The following ZFHX3 variants were observed in gnomAD, a reference collection of about 807,000 sequenced individuals.
ZFHX3 encodes zinc finger homeobox protein 3.
Under a neutral mutation model 279.1 loss-of-function variants are expected in ZFHX3, and 42 were observed. The observed-to-expected ratio is 0.15, with a 90% CI of 0.12 to 0.19. The LOEUF (loss-of-function observed/expected upper bound fraction) is 0.19, where lower values mean the gene tolerates loss of function less well. ZFHX3 is among the 10% of genes least tolerant of loss of function. The pLI, the probability that ZFHX3 is intolerant of heterozygous loss-of-function variation, is 1.00. For synonymous variants in ZFHX3, 2,293 were observed against 1,957.8 expected (o/e 1.17, Z -4.52); for missense variants, 4,981 against 4,754.0 (o/e 1.05, Z -1.40).
At chr16:73,469,807 G>T (rs1204265357) in intron 2 of ZFHX3, among the ~76,000 whole-genome samples, 2 of 151,982 alleles carry the variant, frequency 1.3e-5, no homozygotes, top group Non-Finnish European at 2.9e-5. Context: ...TAGTAGAGAT[G>T]GGGTTTCACC....
At chr16:73,448,243 C>T (rs1433267932) in intron 3 of ZFHX3, among the ~76,000 whole-genome samples, 3 of 152,044 alleles carry the variant, frequency 2.0e-5, no homozygotes, top group African/African-American at 7.2e-5. Flanking sequence ...ATGAGGTATA[C>T]AAAAGAGATG....
chr16:73,521,986 A>C (rs1433336657), intron 2 of ZFHX3, among the ~76,000 whole-genome samples: 1 of 152,134 alleles, frequency 6.6e-6, no homozygotes, highest in Non-Finnish European at 1.5e-5. Context: ...CCCTTTTGCC[A>C]AAAAAATAGC....
chr16:73,432,504 T>G (rs565544130), intron 3 of ZFHX3, among the ~76,000 whole-genome samples: 1 of 152,206 alleles, frequency 6.6e-6, no homozygotes, highest in Non-Finnish European at 1.5e-5. Flanking sequence ...ACTGATCTAG[T>G]TGATCTGTTC....
chr16:73,083,063 C>T (rs866146402), intron 8 of ZFHX3, among the ~76,000 whole-genome samples: 78 of 151,118 alleles, frequency 5.2e-4, no homozygotes, highest in Middle Eastern at 6.8e-3. Context: ...ATTAGCTGGG[C>T]TTGGTGGCGG....
intron 9 of ZFHX3, chr16:72,790,587 C>G (rs1053784224): frequency 5.9e-5 from 9 of 152,218 alleles, no homozygotes; most frequent in Admixed American, 2.0e-4. Context: ...CCCAGACAAA[C>G]AGCTGTTAAT....
intron 1 of ZFHX3, among the ~76,000 whole-genome samples, chr16:73,873,629 T>C (rs1597153409): frequency 6.6e-6 from 1 of 152,200 alleles, no homozygotes; most frequent in Non-Finnish European, 1.5e-5. Context: ...AAATGGTAGA[T>C]GGCATCATAA....
At chr16:72,992,059 G>A (rs1481058106) in intron 1 of ZFHX3, among the ~76,000 whole-genome samples, 1 of 152,148 alleles carries the variant, frequency 6.6e-6, no homozygotes, top group Non-Finnish European at 1.5e-5. Flanking sequence ...GGGGGCAGAG[G>A]GGTCTCTTCC....
intron 1 of ZFHX3, among the ~76,000 whole-genome samples, chr16:73,010,559 G>A (rs1963878783): frequency 6.6e-6 from 1 of 152,218 alleles, no homozygotes; most frequent in African/African-American, 2.4e-5. Context: ...CCTCAGGGCA[G>A]AGCCTCCCTG....
intron 2 of ZFHX3, among the ~76,000 whole-genome samples, chr16:73,525,374 G>A (rs946046509): frequency 3.3e-5 from 5 of 152,278 alleles, no homozygotes; most frequent in African/African-American, 1.2e-4. Flanking sequence ...GTTTGCTGGA[G>A]TTTAGCTAAT....
chr16:73,516,197 A>G (rs1052161362), intron 2 of ZFHX3, among the ~76,000 whole-genome samples: 6 of 152,230 alleles, frequency 3.9e-5, no homozygotes, highest in African/African-American at 1.4e-4. Flanking sequence ...CTGCGAGAAA[A>G]GAGAACCACA....
chr16:72,959,755 C>A lies in ZFHX3; in HGVS notation c.391G>T (p.Gly131Trp). The A allele has an allele frequency of 2.5e-6, 4 of 1,609,992 alleles. No homozygotes were observed. The highest frequency in any genetic ancestry group is 3.4e-6 in the Non-Finnish European group (4 of 1,177,298). Residue 131 changes from glycine (G) to tryptophan (W), a missense_variant, in exon 2 of 10, where the codon GGG (glycine) becomes TGG (tryptophan). Around this residue, in one of 7 missense-constraint regions of ZFHX3, gnomAD observed 1,068 missense variants for 935.2 expected, o/e 1.14. Coordinates refer to ENST00000268489, the MANE Select transcript of ZFHX3 (RefSeq NM_006885.4). The stretch of plus-strand genomic sequence containing the variant: ...CCGTCCGGCTGGTAGACGATCTCCC[C>A]GGCCAGGTTCTCCACGTCACTCTCC... ...DEESDVENLA[G>W]EIVYQPDGSA...
At chr16:73,225,231 T>A (rs1314465452) in intron 5 of ZFHX3, among the ~76,000 whole-genome samples, 1 of 152,120 alleles carries the variant, frequency 6.6e-6, no homozygotes, top group East Asian at 1.9e-4. Flanking sequence ...TTGGGACAAA[T>A]ACGGAAAATA....
intron 2 of ZFHX3, among the ~76,000 whole-genome samples, chr16:73,597,387 C>A (rs1226046189): frequency 2.0e-5 from 3 of 152,172 alleles, no homozygotes; most frequent in Non-Finnish European, 4.4e-5. Context: ...TCCTCAAGGG[C>A]AGTTAGTGTA....
At chr16:73,546,722 CTG>C (rs2020118698) in intron 2 of ZFHX3, among the ~76,000 whole-genome samples, 1 of 134,686 alleles carries the variant, frequency 7.4e-6, no homozygotes, top group South Asian at 2.8e-4. Flanking sequence ...GCTGCTGCTG[CTG>C]CTGCTGCTGC....
intron 9 of ZFHX3, among the ~76,000 whole-genome samples, chr16:72,792,831 C>T (rs1405096476): frequency 1.3e-5 from 2 of 152,174 alleles, no homozygotes; most frequent in Non-Finnish European, 2.9e-5. Context: ...TTTAAATGCT[C>T]TTGGACCAGT....
chr16:73,498,170 G>A (rs1397724591), intron 2 of ZFHX3, among the ~76,000 whole-genome samples: 2 of 152,186 alleles, frequency 1.3e-5, no homozygotes, highest in African/African-American at 4.8e-5. Flanking sequence ...CAGAAATGGT[G>A]ACTCCCCCCA....
intron 1 of ZFHX3, among the ~76,000 whole-genome samples, chr16:73,058,132 C>A (rs1965603656): frequency 6.9e-6 from 1 of 145,490 alleles, no homozygotes; most frequent in Admixed American, 6.8e-5. Flanking sequence ...CTGGCGGCGC[C>A]TCCAAACTCG....
chr16:73,682,886 GAA>G (rs370533289), intron 1 of ZFHX3, among the ~76,000 whole-genome samples: 21,355 of 61,110 alleles, frequency 0.35, 3,260 homozygotes, highest in East Asian at 0.65. Context: ...AAGAAAGAAA[GAA>G]AGAAAGAAAG....
chr16:72,788,503 T>C lies in ZFHX3; in HGVS notation c.9773A>G (p.Lys3258Arg), dbSNP rs914960544. ...CGTGGGGGCCTCTCCTTTCTCCTTC[T>C]TGGGGACAGGCAGGGGTTCCCCTTT... ...KGKGEPLPVP[K>R]KEKGEAPTAT... Residue 3258 changes from lysine to arginine, a missense_variant, in exon 10 of 10, where the codon AAG becomes AGG. Around this residue, in one of 7 missense-constraint regions of ZFHX3, gnomAD observed 1,034 missense variants for 786.0 expected, o/e 1.32. Transcript: ENST00000268489. 1.2e-6 allele frequency: 2 copies of C among 1,614,204 alleles called. No individual in the cohort carries two copies. The highest frequency in any genetic ancestry group is 2.2e-5 in the East Asian group (1 of 44,874).
Sources: allele counts gnomAD v4.1 joint callset (sites outside exome capture counted in the v4.1 genomes callset), GRCh38; gene constraint gnomAD v4.1.1; regional missense constraint gnomAD v4.1.1; transcripts MANE v1.5; gene names NCBI Gene and HGNC (gene_info 2026-07-23, HGNC 2026-07-21).